Variants in LMF2 observed in about 807,000 individuals in gnomAD.
The protein encoded by LMF2 is lipase maturation factor 2, also known as transmembrane protein 112B.
A neutral mutation model predicts 81.5 loss-of-function variants in LMF2; 113 were observed. That is an observed-to-expected ratio of 1.39 (90% CI 1.19 to 1.62). The LOEUF is 1.62. Among genes scored for constraint, LMF2 ranks in the 40% most tolerant of loss-of-function variants. LMF2 has a pLI of 0.00. For synonymous variants in LMF2, 645 were observed against 424.5 expected, an observed-to-expected ratio of 1.52 and a Z score of -6.39; for missense variants, 1,235 against 929.1, an observed-to-expected ratio of 1.33 and a Z score of -4.28.
rs757078795 is a variant in LMF2 at position 50,503,813 on chromosome 22, G to A, written c.1810C>T (p.Leu604=). The A allele has an allele frequency of 2.5e-6, 4 of 1,605,278 alleles. No homozygotes were observed. Among genetic ancestry groups the A allele is most frequent in the South Asian group, 1.1e-5 (1 of 91,058 alleles). The change falls in exon 13 of 14, where the codon CTA becomes TTA. Residue 604 remains leucine, a synonymous_variant. Transcript: ENST00000474879. ...TLETLLRQFG[L]QEKSPPRTRS... ...CCTGGCTGACACCCCCTTACCTGTA[G>A]TCCAAACTGCCTGAGCAGCGTCTCC... is the stretch of plus-strand genomic sequence containing the variant.
At chr22:50,507,252 G>T in intron 1 of LMF2, 1 of 718,792 alleles carries the variant, frequency 1.4e-6, no homozygotes, top group Non-Finnish European at 2.2e-6. Context: ...CTGAGTCAGG[G>T]CCTCCCACCC....
chr22:50,507,457 C>G (rs936453477), intron 1 of LMF2, 125 bp downstream of exon 1: 2 of 783,196 alleles, frequency 2.6e-6, no homozygotes, highest in Non-Finnish European at 4.4e-6. Flanking sequence ...AACCGCCGCC[C>G]CCTACCCCAC....
At position 50,506,463 on chromosome 22, in the gene LMF2, C is replaced by G; in HGVS notation, c.417G>C (p.Leu139=). The change falls in exon 4 of 14, where the codon CTG becomes CTC. Residue 139 remains leucine (L), a synonymous_variant. Transcript: ENST00000474879. ...LLLETGFLAV[L]VAPLRPASHR... ...GGGAGGCTGGCCTCAGCGGGGCCAC[C>G]AGCACGGCCAGGAAGCCAGTCTCTA... The G allele has an allele frequency of 6.4e-7, 1 of 1,550,788 alleles. No individual in the cohort carries two copies. The highest frequency in any genetic ancestry group is 8.7e-7 in the Non-Finnish European group (1 of 1,149,108).
Position 50,506,871 on chromosome 22 carries a change from G to C in LMF2, c.259C>G (p.Leu87Val). The C allele has an allele frequency of 6.3e-7, 1 of 1,590,970 alleles. No individual in the cohort carries two copies. Reference protein sequence around the residue: ...GLELLSLLGALVALGALLLSP... With the variant: ...GLELLSLLGAVVALGALLLSP... ...AGCAGCAGGGCTCCCAGGGCCACTA[G>C]TGCACCCAGCAGGCTCAGCAGCTCC... is the stretch of plus-strand genomic sequence containing the variant. Residue 87 changes from leucine to valine, a missense_variant, in exon 2 of 14, where the codon CTA becomes GTA. Leu to Val is a conservative substitution (Grantham distance 32, BLOSUM62 1). Coordinates refer to ENST00000474879, the MANE Select transcript of LMF2 (RefSeq NM_033200.3).
At position 50,505,468 on chromosome 22, in the gene LMF2, T is replaced by G. The variant is rs975756313; in HGVS notation, c.986A>C (p.Tyr329Ser). The G allele has an allele frequency of 6.2e-7, 1 of 1,613,016 alleles. No homozygotes were observed. The highest frequency in any genetic ancestry group is 8.5e-7 in the Non-Finnish European group (1 of 1,180,022). ...CAGGCCAAAGTAGTGCACAGTGCCA[T>G]AGGCCAGAAGCCCGTAGACGGCTAG... Reference protein sequence around the residue: ...LELAVYGLLAYGTVHYFGLEV... With the variant: ...LELAVYGLLASGTVHYFGLEV... Residue 329 changes from tyrosine (Y) to serine (S), a missense_variant, in exon 7 of 14, where the codon TAT becomes TCT. Tyr to Ser is a moderately radical substitution (Grantham distance 144, BLOSUM62 -2). Coordinates refer to ENST00000474879, the MANE Select transcript of LMF2 (RefSeq NM_033200.3).
rs764787807 is a variant in LMF2 at position 50,504,341 on chromosome 22, C to G, written c.1717G>C (p.Gly573Arg). The G allele has an allele frequency of 6.2e-7, 1 of 1,610,334 alleles. No homozygotes were observed. The highest frequency in any genetic ancestry group is 8.5e-7 in the Non-Finnish European group (1 of 1,178,648). ...KYWFSQPGEQ[G>R]QWWRRQWVEE... ...ACCCCACCCGGTGCCCAGCCTTACC[C>G]CTGCTCCCCAGGCTGGGAGAACCAG... The change falls in exon 12 of 14, where the codon GGC becomes CGC. Residue 573 changes from glycine to arginine, a missense_variant and splice_region_variant. By Grantham distance (125) the Gly-to-Arg change is moderately radical (BLOSUM62 -2). Transcript: ENST00000474879.
Position 50,504,394 on chromosome 22 carries a change from G to A in LMF2, c.1664C>T (p.Thr555Ile). ...ARYPFHKQPPTYVRAQRYKYW... is the reference protein window; with the variant it reads ...ARYPFHKQPPIYVRAQRYKYW... ...CTTGTAGCGCTGGGCTCGGACGTAG[G>A]TGGGCGGCTGCTTGTGGAAGGGATA... Residue 555 changes from threonine (T) to isoleucine (I), a missense_variant, in exon 12 of 14, where the codon ACC becomes ATC. Thr to Ile is a moderately conservative substitution (Grantham distance 89, BLOSUM62 -1). Transcript: ENST00000474879. 2 of 1,612,456 alleles carry A rather than the reference G, an allele frequency of 1.2e-6. No homozygotes were observed. The highest frequency in any genetic ancestry group is 2.7e-5 in the African/African-American group (2 of 74,948).
chr22:50,505,371 CT>C, intron 7 of LMF2, 31 bp downstream of exon 7: 1 of 1,613,270 alleles, frequency 6.2e-7, no homozygotes, highest in African/African-American at 1.3e-5. Flanking sequence ...TGGTCCGCCC[CT>C]GCCCTCTGGC....
At position 50,505,523 on chromosome 22, in the gene LMF2, GGGCCTTGGGCCA is replaced by G. The variant is rs1569518459; in HGVS notation, c.919_930del (p.Trp307_Ala310del). ...AGCAGCAGCGACAGGGTGGCCAGCA[GGGCCTTGGGCCA>G]GGCTGTGGGGCAGGACAGTCATGGG... On this transcript the variant is annotated inframe_deletion and splice_region_variant, in exon 7 of 14. Transcript: ENST00000474879. 6.2e-7 allele frequency: 1 copy of G among 1,612,572 alleles called. No homozygotes were observed. The highest frequency in any genetic ancestry group is 8.5e-7 in the Non-Finnish European group (1 of 1,180,012).
chr22:50,506,601 C>T (rs2068581257), intron 3 of LMF2, 37 bp downstream of exon 3: 1 of 1,605,312 alleles, frequency 6.2e-7, no homozygotes, highest in East Asian at 2.2e-5. Context: ...CACCCCCTAC[C>T]CAGCCTCCCA....
In LMF2 at chr22:50,505,727, T is replaced by G. The variant is rs149209687; in HGVS notation, c.863A>C (p.Asp288Ala). Residue 288 changes from aspartate (D) to alanine (A), a missense_variant, in exon 6 of 14, where the codon GAC (aspartate) becomes GCC (alanine). Transcript: ENST00000474879. ...GCCAGGCTCAGCAGCCAGGTGCTGG[T>G]CGTCCAGCAGCGCAGTGGTAAGCAC... ...TLVLTTALLD[D>A]QHLAAEPGHG... 2.0e-4 allele frequency: 318 copies of G among 1,613,030 alleles called. 2 individuals carry two copies. In the African/African-American group the frequency reaches 3.2e-3, roughly 16 times the overall value.
rs1391409127 is a variant in LMF2 at position 50,504,873 on chromosome 22, G to A, written c.1366C>T (p.Arg456Cys). The change falls in exon 10 of 14, where the codon CGC (arginine) becomes TGC (cysteine). Residue 456 changes from arginine (R) to cysteine (C), a missense_variant. Transcript: ENST00000474879. ...CGTCCACCAAGCCCAGTCATGCGGC[G>A]GAAGAGGCCGTAGGAGTTGGCCAGC... ...LQLANSYGLF[R>C]RMTGLGGRPE... The A allele has an allele frequency of 1.9e-5, 30 of 1,610,746 alleles. No homozygotes were observed. Among genetic ancestry groups the A allele is most frequent in the Middle Eastern group, 1.6e-4 (1 of 6,072 alleles).
At position 50,506,412 on chromosome 22, in the gene LMF2, C is replaced by A; in HGVS notation, c.468G>T (p.Arg156Ser). ...ASHRKEAPQG[R>S]QAGALPHEDL... ...CTTCGTGGGGCAGGGCCCCTGCCTGCCTGCCCTGGGGGGCCTCCTTGCGGT... is the reference window on the plus strand; with the variant it reads ...CTTCGTGGGGCAGGGCCCCTGCCTGACTGCCCTGGGGGGCCTCCTTGCGGT... Residue 156 changes from arginine to serine, a missense_variant, in exon 4 of 14, where the codon AGG becomes AGT. Physicochemically the swap from Arg to Ser is moderately radical, Grantham distance 110 (BLOSUM62 -1). Transcript: ENST00000474879. The A allele has an allele frequency of 6.4e-7, 1 of 1,550,396 alleles. No individual in the cohort carries two copies. Among genetic ancestry groups the A allele is most frequent in the Non-Finnish European group, 8.7e-7 (1 of 1,147,790 alleles).
rs890730708 is a variant in LMF2 at position 50,506,478 on chromosome 22, G to A, written c.402C>T (p.Gly134=). 4 of 1,554,698 alleles carry A rather than the reference G, an allele frequency of 2.6e-6. No homozygotes were observed. The highest frequency in any genetic ancestry group is 3.5e-6 in the Non-Finnish European group (4 of 1,151,552). ...FQWDSLLLET[G]FLAVLVAPLR... is the part of the protein sequence containing the mutation. ...GCGGGGCCACCAGCACGGCCAGGAA[G>A]CCAGTCTCTAGCAGCAGGGAGTCCC... The change falls in exon 4 of 14, where the codon GGC becomes GGT. Residue 134 remains glycine (G), a synonymous_variant. Transcript: ENST00000474879.
chr22:50,506,311 C>T lies in LMF2; in HGVS notation c.569G>A (p.Arg190His), dbSNP rs1361641289. 4 of 1,549,488 alleles carry T rather than the reference C, an allele frequency of 2.6e-6. No homozygotes were observed. The highest frequency in any genetic ancestry group is 1.2e-5 in the South Asian group (1 of 84,026). ...FASGVVKLTSRCPAWWGLTAL... is the reference protein window; with the variant it reads ...FASGVVKLTSHCPAWWGLTAL... ...AGTGAGCCCCCACCACGCAGGGCAG[C>T]GGCTGGTCAGCTTGACCACGCCTGA... The change falls in exon 4 of 14, where the codon CGC (arginine) becomes CAC (histidine). Residue 190 changes from arginine (R) to histidine (H), a missense_variant. Physicochemically the swap from Arg to His is conservative, Grantham distance 29. Transcript: ENST00000474879.
At position 50,504,668 on chromosome 22, in the gene LMF2, G is replaced by C. The variant is rs773104642; in HGVS notation, c.1497C>G (p.Pro499=). ...TCTGCCAGTCCAGGCGTGGCTGGTG[G>C]GGCACCACAACCGGGGGCGGCCGGC... is the stretch of plus-strand genomic sequence containing the variant. ...NLSRPPPVVV[P]HQPRLDWQMW... is the part of the protein sequence containing the mutation. Residue 499 remains proline (P), a synonymous_variant, in exon 11 of 14, where the codon CCC becomes CCG. Coordinates refer to ENST00000474879, the MANE Select transcript of LMF2 (RefSeq NM_033200.3). The C allele has an allele frequency of 3.9e-5, 63 of 1,608,964 alleles. No homozygotes were observed. Among genetic ancestry groups the C allele is most frequent in the Non-Finnish European group, 5.2e-5 (61 of 1,179,276 alleles).
rs745365090 is a variant in LMF2 at position 50,504,988 on chromosome 22, G to T, written c.1255-4C>A. The T allele has an allele frequency of 1.9e-6, 3 of 1,610,150 alleles. No individual in the cohort carries two copies. Among genetic ancestry groups the T allele is most frequent in the Non-Finnish European group, 2.5e-6 (3 of 1,177,908 alleles). Reference sequence around the variant, plus strand: ...GCTCCACGTAGGAGTACGGCACCTGGAGACAGGTGGGAGGTTCTCAGGGCT... The same window carrying T: ...GCTCCACGTAGGAGTACGGCACCTGTAGACAGGTGGGAGGTTCTCAGGGCT... On this transcript the variant is annotated splice_region_variant and splice_polypyrimidine_tract_variant and intron_variant, in intron 9 of 13. Coordinates refer to ENST00000474879, the MANE Select transcript of LMF2 (RefSeq NM_033200.3).
chr22:50,507,297 C>T (rs1187786234), intron 1 of LMF2: 2 of 615,500 alleles, frequency 3.2e-6, no homozygotes, highest in Non-Finnish European at 5.7e-6. Context: ...GGTCTCAGCC[C>T]GATCTCCTAC....
At position 50,506,391 on chromosome 22, in the gene LMF2, G is replaced by A. The variant is rs756342960; in HGVS notation, c.489C>T (p.His163=). The A allele has an allele frequency of 3.3e-5, 51 of 1,549,790 alleles. No homozygotes were observed. The highest frequency in any genetic ancestry group is 3.6e-5 in the Non-Finnish European group (41 of 1,147,322). ...PQGRQAGALP[H]EDLPFWLVRW... is the part of the protein sequence containing the mutation. ...GCACCAGCCAGAAGGGGAGGTCTTC[G>A]TGGGGCAGGGCCCCTGCCTGCCTGC... The change falls in exon 4 of 14, where the codon CAC becomes CAT. Residue 163 remains histidine (H), a synonymous_variant. Transcript: ENST00000474879.
Sources: allele counts gnomAD v4.1 joint callset, GRCh38; gene constraint gnomAD v4.1.1; transcripts MANE v1.5; gene names NCBI Gene and HGNC (gene_info 2026-07-23, HGNC 2026-07-21).